The following PLCE1 variants were observed in gnomAD, a reference collection of about 807,000 sequenced individuals.
The protein encoded by PLCE1 is 1-phosphatidylinositol 4,5-bisphosphate phosphodiesterase epsilon-1.
PLCE1 carries 119 observed loss-of-function variants against 242.8 expected under a neutral mutation model. The ratio of observed to expected loss-of-function variants is 0.49; its 90% CI spans 0.42 to 0.57. The LOEUF (loss-of-function observed/expected upper bound fraction) is 0.57, where lower values mean the gene tolerates loss of function less well. PLCE1 is among the 20% of genes least tolerant of loss of function. The pLI is 0.00. For synonymous variants in PLCE1, 945 were observed against 1,017.4 expected (o/e 0.93, Z 1.35); for missense variants, 2,441 against 2,788.8 (o/e 0.88, Z 2.81).
intron 2 of PLCE1, among the ~76,000 whole-genome samples, chr10:94,034,777 C>G (rs1179493306): frequency 2.6e-5 from 4 of 152,028 alleles, no homozygotes; most frequent in Non-Finnish European, 5.9e-5. Context: ...TTCAAAGTTC[C>G]CTTGGTGATT....
intron 4 of PLCE1, chr10:94,225,203 G>T (rs2049895926): frequency 6.6e-6 from 1 of 152,148 alleles, no homozygotes; most frequent in Admixed American, 6.5e-5. Flanking sequence ...TTTCCTGTTT[G>T]TTTCTATGTA....
intron 1 of PLCE1, among the ~76,000 whole-genome samples, chr10:94,028,314 C>A (rs138521664): frequency 6.6e-6 from 1 of 152,228 alleles, no homozygotes; most frequent in East Asian, 1.9e-4. Context: ...CTGGAGGATC[C>A]GCTTCCAAGA....
intron 2 of PLCE1, among the ~76,000 whole-genome samples, chr10:94,033,077 A>G (rs757436349): frequency 6.6e-6 from 1 of 152,132 alleles, no homozygotes; most frequent in Non-Finnish European, 1.5e-5. Context: ...GAGAAGATTT[A>G]AAGTATACGG....
At chr10:93,999,734 C>T (rs570050295) in intron 1 of PLCE1, among the ~76,000 whole-genome samples, 49 of 130,306 alleles carry the variant, frequency 3.8e-4, no homozygotes, top group African/African-American at 1.1e-3. Flanking sequence ...CTGGCCCCAG[C>T]GCCCTGTTGG....
At chr10:94,045,308 A>G (rs529263063) in intron 2 of PLCE1, among the ~76,000 whole-genome samples, 5 of 152,112 alleles carry the variant, frequency 3.3e-5, no homozygotes, top group African/African-American at 4.8e-5. Context: ...ATATATATAT[A>G]TATTTTTTGT....
chr10:94,021,029 C>T (rs1289203925), intron 1 of PLCE1, among the ~76,000 whole-genome samples: 1 of 152,062 alleles, frequency 6.6e-6, no homozygotes, highest in Non-Finnish European at 1.5e-5. Flanking sequence ...TGGGGTTTCA[C>T]TATGTTGGCC....
chr10:94,031,856 T>C lies in PLCE1; in HGVS notation c.810T>C (p.Cys270=), dbSNP rs17109671. 477,678 of 1,613,324 alleles carry C rather than the reference T, an allele frequency of 0.3. 79,954 individuals carry two copies. The highest frequency in any genetic ancestry group is 0.72 in the African/African-American group (53,677 of 74,916). The change falls in exon 2 of 33, where the codon TGT becomes TGC. Residue 270 remains cysteine, a synonymous_variant. Coordinates refer to ENST00000371380, the MANE Select transcript of PLCE1 (RefSeq NM_016341.4). ...AATACTTTTGCTTTGAAGGCTCTTG[T>C]GAGAAGGTTGACATGGTATATTCAG... ...NDKYFCFEGS[C]EKVDMVYSGD...
At chr10:94,190,022 C>T (rs867539526) in intron 4 of PLCE1, among the ~76,000 whole-genome samples, 1 of 152,168 alleles carries the variant, frequency 6.6e-6, no homozygotes, top group Admixed American at 6.5e-5. Flanking sequence ...GTATCCAAGC[C>T]GAGTGCAGTG....
intron 1 of PLCE1, among the ~76,000 whole-genome samples, chr10:94,006,963 G>A (rs1024282741): frequency 6.6e-6 from 1 of 152,224 alleles, no homozygotes; most frequent in African/African-American, 2.4e-5. Flanking sequence ...TTGAGGTGGT[G>A]TCAGTGGCAA....
At chr10:94,207,829 T>C (rs1166428134) in intron 4 of PLCE1, among the ~76,000 whole-genome samples, 1 of 152,170 alleles carries the variant, frequency 6.6e-6, no homozygotes, top group African/African-American at 2.4e-5. Context: ...TTGGGATCAT[T>C]TGAGCTTCAA....
chr10:94,183,473 C>T (rs1219127741), intron 4 of PLCE1, among the ~76,000 whole-genome samples: 2 of 152,152 alleles, frequency 1.3e-5, no homozygotes, highest in Non-Finnish European at 2.9e-5. Flanking sequence ...CATTCACATA[C>T]CATCCAGGAC....
chr10:94,057,370 A>C (rs1263900522), intron 2 of PLCE1, among the ~76,000 whole-genome samples: 1 of 152,098 alleles, frequency 6.6e-6, no homozygotes, highest in African/African-American at 2.4e-5. Context: ...CAGATTATGA[A>C]AGTATTTTTA....
intron 30 of PLCE1, among the ~76,000 whole-genome samples, chr10:94,323,514 C>T (rs1040318395): frequency 1.3e-5 from 2 of 152,176 alleles, no homozygotes; most frequent in Non-Finnish European, 2.9e-5. Flanking sequence ...AGACTATTCC[C>T]GTTGGCTCCA....
At chr10:94,070,631 T>TA (rs1332648905) in intron 2 of PLCE1, among the ~76,000 whole-genome samples, 2 of 152,218 alleles carry the variant, frequency 1.3e-5, no homozygotes, top group East Asian at 1.9e-4. Flanking sequence ...AGCATGGAGA[T>TA]ACGCTTTTTG....
At chr10:94,235,072 A>ACG (rs1052551869) in intron 6 of PLCE1, among the ~76,000 whole-genome samples, 1 of 150,504 alleles carries the variant, frequency 6.6e-6, no homozygotes, top group Non-Finnish European at 1.5e-5. Flanking sequence ...TCACACACAC[A>ACG]CACACACACA....
intron 3 of PLCE1, 119 bp downstream of exon 3, chr10:94,132,578 A>T: frequency 4.1e-6 from 4 of 982,544 alleles, no homozygotes; most frequent in Non-Finnish European, 6.3e-6. Context: ...TTTAAGTAAA[A>T]GTCGCTTCTT....
At chr10:94,280,677 C>T (rs770231828) in intron 20 of PLCE1, 1 of 152,234 alleles carries the variant, frequency 6.6e-6, no homozygotes, top group Non-Finnish European at 1.5e-5. Context: ...GTTCCTATTT[C>T]TATAAACATT....
chr10:94,199,012 A>G (rs2048911726), intron 4 of PLCE1, among the ~76,000 whole-genome samples: 1 of 152,146 alleles, frequency 6.6e-6, no homozygotes, highest in South Asian at 2.1e-4. Context: ...AAGTCACACC[A>G]CTACACTCCA....
At chr10:94,148,613 C>T (rs1375119191) in intron 3 of PLCE1, among the ~76,000 whole-genome samples, 2 of 151,822 alleles carry the variant, frequency 1.3e-5, no homozygotes, top group African/African-American at 2.4e-5. Context: ...TCTAGCTCAA[C>T]CATGAGAAAG....
Sources: allele counts gnomAD v4.1 joint callset (sites outside exome capture counted in the v4.1 genomes callset), GRCh38; gene constraint gnomAD v4.1.1; transcripts MANE v1.5; gene names NCBI Gene and HGNC (gene_info 2026-07-23, HGNC 2026-07-21).